FER: variants seen among roughly 807,000 people sequenced by gnomAD.
The protein encoded by FER is tyrosine-protein kinase Fer.
Under a neutral mutation model 111.0 loss-of-function variants are expected in FER, and 63 were observed. The observed-to-expected ratio is 0.57, with a 90% CI of 0.46 to 0.70. The LOEUF is 0.70. FER is among the 30% of genes least tolerant of loss of function. The pLI is 0.00. For synonymous variants in FER, 327 were observed against 313.9 expected, an observed-to-expected ratio of 1.04 and a Z score of -0.44; for missense variants, 914 against 954.0, an observed-to-expected ratio of 0.96 and a Z score of 0.55.
chr5:108,985,304 G>T (rs1355802073), intron 13 of FER, among the ~76,000 whole-genome samples: 1 of 151,876 alleles, frequency 6.6e-6, no homozygotes, highest in Non-Finnish European at 1.5e-5. Context: ...GACCATAACG[G>T]GATGATATCT....
In FER at chr5:109,065,217, T is replaced by G. The variant is rs1774934910; in HGVS notation, c.1924+18019T>G. On this transcript the variant is annotated intron_variant, in intron 16 of 19. Transcript: ENST00000281092. ...AAACTATAATTTCATTAAAACAGTT[T>G]GGAGCCCATACTGTTTTTCCAAGAT... Among the ~76,000 whole-genome samples, 10 of 152,186 alleles carry G rather than the reference T, an allele frequency of 6.6e-5. No homozygotes were observed. In the South Asian group the frequency reaches 2.1e-3, roughly 32 times the overall value.
chr5:109,030,418 T>G (rs988711031), intron 13 of FER, among the ~76,000 whole-genome samples: 4 of 152,206 alleles, frequency 2.6e-5, no homozygotes, highest in African/African-American at 9.6e-5. Flanking sequence ...TTAGGACATC[T>G]TGGGTCCCAT....
At chr5:108,993,592 A>C (rs1182360727) in intron 13 of FER, among the ~76,000 whole-genome samples, 51 of 125,180 alleles carry the variant, frequency 4.1e-4, no homozygotes, top group South Asian at 8.0e-4. Flanking sequence ...AGGGAGAGGG[A>C]GAGGGCGAGG....
chr5:108,858,022 A>G (rs1327868669), intron 5 of FER, among the ~76,000 whole-genome samples: 1 of 152,182 alleles, frequency 6.6e-6, no homozygotes, highest in African/African-American at 2.4e-5. Flanking sequence ...TGGTGTGCTC[A>G]TTGCTAGTGG....
intron 17 of FER, among the ~76,000 whole-genome samples, chr5:109,139,350 C>CTTTTTTTTTTTT (rs59092426): frequency 9.3e-4 from 85 of 91,080 alleles, no homozygotes; most frequent in Non-Finnish European, 1.2e-3. Flanking sequence ...TTCTTTCTTT[C>CTTTTTTTTTTTT]TTTTTTTTTT....
At chr5:109,139,527 C>A (rs1245371350) in intron 17 of FER, among the ~76,000 whole-genome samples, 1 of 151,816 alleles carries the variant, frequency 6.6e-6, no homozygotes, top group Non-Finnish European at 1.5e-5. Context: ...AGAAAAAATG[C>A]TAAAAGAGAG....
Position 108,924,721 on chromosome 5 carries a change from C to G in FER, c.1237-21409C>G, listed in dbSNP as rs561106620. 4 of 1,232,016 alleles carry G rather than the reference C, an allele frequency of 3.2e-6. No individual in the cohort carries two copies. In the East Asian group the frequency reaches 1.3e-4, roughly 39 times the overall value. 76.3% of individuals were successfully genotyped at this position (1,232,016 alleles called of 1,614,324 possible). On this transcript the variant is annotated intron_variant, in intron 10 of 19. Transcript: ENST00000281092. Reference sequence around the variant, plus strand: ...TCAGCTGGAGTCTGGTTTCGGCTCCCAATCCTGTAAAACATGTGCTTTAAT... The same window carrying G: ...TCAGCTGGAGTCTGGTTTCGGCTCCGAATCCTGTAAAACATGTGCTTTAAT...
At chr5:108,810,093 G>C (rs1757591243) in intron 3 of FER, among the ~76,000 whole-genome samples, 1 of 151,926 alleles carries the variant, frequency 6.6e-6, no homozygotes, top group Non-Finnish European at 1.5e-5. Context: ...TGATATTATT[G>C]TTATTTTTTA....
chr5:108,998,010 G>A (rs1031062217), intron 13 of FER, among the ~76,000 whole-genome samples: 8 of 152,028 alleles, frequency 5.3e-5, no homozygotes, highest in East Asian at 1.9e-4. Context: ...ATCCCAGGTC[G>A]ACCTCAACTG....
At chr5:109,114,658 A>G (rs1440527502) in intron 17 of FER, among the ~76,000 whole-genome samples, 1 of 152,154 alleles carries the variant, frequency 6.6e-6, no homozygotes, top group Non-Finnish European at 1.5e-5. Context: ...ATGTAAAAGG[A>G]ACATGTCTTC....
At chr5:109,115,584 C>A (rs1582095735) in intron 17 of FER, among the ~76,000 whole-genome samples, 1 of 152,068 alleles carries the variant, frequency 6.6e-6, no homozygotes, top group East Asian at 1.9e-4. Context: ...GTAAATAGTT[C>A]AAGTTATTTT....
At chr5:108,915,519 CTT>C (rs1367149071) in intron 10 of FER, among the ~76,000 whole-genome samples, 3 of 151,634 alleles carry the variant, frequency 2.0e-5, no homozygotes, top group African/African-American at 4.8e-5. Context: ...TTAAATGGCT[CTT>C]GTTTGTTTCT....
chr5:108,931,262 T>C (rs780406943), intron 10 of FER, among the ~76,000 whole-genome samples: 6 of 152,202 alleles, frequency 3.9e-5, no homozygotes, highest in Non-Finnish European at 7.3e-5. Flanking sequence ...GTGACTATTA[T>C]CTTTTATGTA....
intron 2 of FER, among the ~76,000 whole-genome samples, chr5:108,795,061 A>G (rs759482032): frequency 5.9e-5 from 9 of 152,140 alleles, no homozygotes; most frequent in Admixed American, 6.5e-5. Flanking sequence ...TCATGCCTGT[A>G]CTTTGGAAGG....
intron 6 of FER, among the ~76,000 whole-genome samples, chr5:108,871,027 A>G (rs1311850381): frequency 5.9e-5 from 9 of 152,124 alleles, no homozygotes; most frequent in Non-Finnish European, 8.8e-5. Context: ...TCAGAGTTCC[A>G]TGTTATTCAA....
At chr5:108,812,360 GAA>G (rs1264830913) in intron 3 of FER, among the ~76,000 whole-genome samples, 1 of 152,128 alleles carries the variant, frequency 6.6e-6, no homozygotes, top group Non-Finnish European at 1.5e-5. Flanking sequence ...TCTTTGTTGT[GAA>G]ATGTAAGCTG....
intron 10 of FER, among the ~76,000 whole-genome samples, chr5:108,912,778 T>C (rs992088822): frequency 2.6e-5 from 4 of 151,850 alleles, no homozygotes; most frequent in Admixed American, 2.6e-4. Context: ...GGGAAAAAAA[T>C]TTGGGGGGTA....
intron 17 of FER, among the ~76,000 whole-genome samples, chr5:109,140,454 G>T (rs113926873): frequency 1.3e-5 from 2 of 152,164 alleles, no homozygotes; most frequent in South Asian, 2.1e-4. Flanking sequence ...ATGATCAGTG[G>T]TGTGTTGCTA....
intron 10 of FER, among the ~76,000 whole-genome samples, chr5:108,910,887 C>G: frequency 6.6e-6 from 1 of 151,972 alleles, no homozygotes; most frequent in East Asian, 1.9e-4. Context: ...ATCCAATCAA[C>G]TATTGGTGGA....
Sources: allele counts gnomAD v4.1 joint callset (sites outside exome capture counted in the v4.1 genomes callset), GRCh38; gene constraint gnomAD v4.1.1; transcripts MANE v1.5; gene names NCBI Gene and HGNC (gene_info 2026-07-23, HGNC 2026-07-21).